NRG3: variants seen among roughly 807,000 people sequenced by gnomAD.
NRG3 encodes pro-neuregulin-3, membrane-bound isoform.
A neutral mutation model predicts 66.9 loss-of-function variants in NRG3; 31 were observed. The observed-to-expected ratio is 0.46, with a 90% CI of 0.35 to 0.63. The LOEUF is 0.63. NRG3 is among the 20% of genes least tolerant of loss of function. NRG3 has a pLI of 0.00. For synonymous variants in NRG3, 393 were observed against 359.4 expected (o/e 1.09, Z -1.06); for missense variants, 910 against 878.9 (o/e 1.04, Z -0.45).
At chr10:81,898,484 A>C (rs934622166) in intron 1 of NRG3, among the ~76,000 whole-genome samples, 1 of 152,208 alleles carries the variant, frequency 6.6e-6, no homozygotes, top group Admixed American at 6.5e-5. Context: ...TGAATCTACT[A>C]TCTGGGCAAA....
At chr10:82,483,966 C>G (rs1010657520) in intron 2 of NRG3, among the ~76,000 whole-genome samples, 1 of 152,170 alleles carries the variant, frequency 6.6e-6, no homozygotes, top group Non-Finnish European at 1.5e-5. Flanking sequence ...ATTCAGAGAC[C>G]ATCTGGAAAT....
At chr10:82,927,751 C>A (rs990148822) in intron 4 of NRG3, among the ~76,000 whole-genome samples, 3 of 152,170 alleles carry the variant, frequency 2.0e-5, no homozygotes, top group Admixed American at 1.3e-4. Context: ...CATTGATGAG[C>A]ATTTGGGTTT....
chr10:82,792,935 C>T (rs1425457298), intron 3 of NRG3, among the ~76,000 whole-genome samples: 2 of 152,164 alleles, frequency 1.3e-5, no homozygotes, highest in South Asian at 2.1e-4. Context: ...CCCACCTCGG[C>T]GTCCCAAAGT....
At chr10:82,964,462 G>A (rs1015548097) in intron 6 of NRG3, among the ~76,000 whole-genome samples, 1 of 152,160 alleles carries the variant, frequency 6.6e-6, no homozygotes, top group Non-Finnish European at 1.5e-5. Context: ...CCTAGTGTCT[G>A]AAGAGGGTCT....
chr10:82,899,000 G>A (rs1843951827), intron 4 of NRG3, among the ~76,000 whole-genome samples: 1 of 151,828 alleles, frequency 6.6e-6, no homozygotes. Context: ...TTGAGCCACC[G>A]CATCTGGCCA....
intron 1 of NRG3, among the ~76,000 whole-genome samples, chr10:81,923,055 T>C (rs1192417996): frequency 6.6e-6 from 1 of 152,206 alleles, no homozygotes; most frequent in Admixed American, 6.5e-5. Flanking sequence ...ATTTTGGTAA[T>C]TTACATATTA....
intron 2 of NRG3, among the ~76,000 whole-genome samples, chr10:82,595,734 G>A (rs1042851631): frequency 2.6e-5 from 4 of 151,728 alleles, no homozygotes; most frequent in East Asian, 3.9e-4. Flanking sequence ...GCAGTGAGCC[G>A]AGATCATGCC....
intron 3 of NRG3, among the ~76,000 whole-genome samples, chr10:82,803,112 G>A (rs1407574022): frequency 6.6e-6 from 1 of 152,114 alleles, no homozygotes; most frequent in African/African-American, 2.4e-5. Context: ...CTTAAGGGAG[G>A]AATTTTGCAT....
chr10:82,832,581 A>T (rs1564546129), intron 3 of NRG3, among the ~76,000 whole-genome samples: 2 of 152,170 alleles, frequency 1.3e-5, no homozygotes, highest in African/African-American at 4.8e-5. Flanking sequence ...TCAAAGATTT[A>T]TATGCAAGAG....
chr10:82,017,955 T>C (rs1373048883), intron 1 of NRG3, among the ~76,000 whole-genome samples: 3 of 152,218 alleles, frequency 2.0e-5, no homozygotes, highest in African/African-American at 7.2e-5. Flanking sequence ...TAGATCCCAT[T>C]TGTCAATTGT....
intron 3 of NRG3, among the ~76,000 whole-genome samples, chr10:82,798,113 G>T (rs1214959144): frequency 6.6e-6 from 1 of 152,040 alleles, no homozygotes; most frequent in Non-Finnish European, 1.5e-5. Context: ...GAAAAAAAGT[G>T]TAACACTGTT....
intron 1 of NRG3, among the ~76,000 whole-genome samples, chr10:82,146,657 C>T (rs2070288022): frequency 6.6e-6 from 1 of 152,092 alleles, no homozygotes; most frequent in Non-Finnish European, 1.5e-5. Flanking sequence ...GGCAAGCAGA[C>T]ATACAGTAGA....
intron 1 of NRG3, among the ~76,000 whole-genome samples, chr10:81,905,879 G>A (rs1332111946): frequency 2.0e-5 from 3 of 152,108 alleles, no homozygotes; most frequent in Admixed American, 6.6e-5. Context: ...AAATCTCTTG[G>A]GCCATCTTTA....
chr10:82,447,113 A>G (rs1475516298), intron 2 of NRG3, among the ~76,000 whole-genome samples: 2 of 152,216 alleles, frequency 1.3e-5, no homozygotes, highest in African/African-American at 4.8e-5. Context: ...TGCCACTGCA[A>G]ACTGTGCAAG....
chr10:82,480,314 A>G (rs985337587), intron 2 of NRG3, among the ~76,000 whole-genome samples: 8 of 152,324 alleles, frequency 5.3e-5, no homozygotes, highest in Admixed American at 2.0e-4. Flanking sequence ...TGTACTAATA[A>G]TCATTGAATT....
At chr10:82,640,659 G>GA (rs2050509535) in intron 2 of NRG3, among the ~76,000 whole-genome samples, 1 of 151,654 alleles carries the variant, frequency 6.6e-6, no homozygotes, top group South Asian at 2.1e-4. Context: ...TACTTTCAAG[G>GA]AAAAAAATGC....
intron 4 of NRG3, among the ~76,000 whole-genome samples, chr10:82,910,409 T>C (rs1845209607): frequency 6.6e-6 from 1 of 152,252 alleles, no homozygotes; most frequent in Non-Finnish European, 1.5e-5. Context: ...CACCAGGATG[T>C]GCTAATGCAG....
At chr10:82,351,731 CTAAA>C (rs2083449600) in intron 1 of NRG3, among the ~76,000 whole-genome samples, 1 of 152,198 alleles carries the variant, frequency 6.6e-6, no homozygotes, top group African/African-American at 2.4e-5. Context: ...CATAATATTT[CTAAA>C]TAAGCACACA....
intron 1 of NRG3, among the ~76,000 whole-genome samples, chr10:82,279,666 G>A (rs1200783282): frequency 2.0e-5 from 3 of 152,180 alleles, no homozygotes; most frequent in Non-Finnish European, 2.9e-5. Context: ...CGGAGTGAAA[G>A]ATTATTAAAA....
Sources: allele counts gnomAD v4.1 joint callset (sites outside exome capture counted in the v4.1 genomes callset), GRCh38; gene constraint gnomAD v4.1.1; transcripts MANE v1.5; gene names NCBI Gene and HGNC (gene_info 2026-07-23, HGNC 2026-07-21).